The following EYS variants were observed in gnomAD, a reference collection of about 807,000 sequenced individuals.
The protein encoded by EYS is EGF-like photoreceptor maintenance factor, also known as protein eyes shut homolog.
Under a neutral mutation model 282.1 loss-of-function variants are expected in EYS, and 250 were observed. The ratio of observed to expected loss-of-function variants is 0.89; its 90% CI spans 0.80 to 0.98. EYS has a LOEUF of 0.98. Among genes scored for constraint, EYS ranks in the 50% least tolerant of loss-of-function variants. EYS has a pLI of 0.00. For synonymous variants in EYS, 1,355 were observed against 1,282.9 expected (o/e 1.06, Z -1.20); for missense variants, 4,016 against 3,709.0 (o/e 1.08, Z -2.15).
chr6:65,090,629 G>A (rs1774531187), intron 12 of EYS, among the ~76,000 whole-genome samples: 1 of 152,096 alleles, frequency 6.6e-6, no homozygotes, highest in Non-Finnish European at 1.5e-5. Context: ...AGAAGTTAAA[G>A]GATAAGTCAT....
intron 33 of EYS, among the ~76,000 whole-genome samples, chr6:64,047,204 G>A (rs567435291): frequency 6.6e-6 from 1 of 151,596 alleles, no homozygotes; most frequent in Non-Finnish European, 1.5e-5. Context: ...AGATAAAATT[G>A]TGGTAATTAT....
chr6:64,595,422 G>A (rs765067184), intron 24 of EYS, among the ~76,000 whole-genome samples: 3 of 152,016 alleles, frequency 2.0e-5, no homozygotes, highest in Non-Finnish European at 2.9e-5. Context: ...CCATTGTCCC[G>A]GAAGTGCCAA....
intron 28 of EYS, among the ~76,000 whole-genome samples, chr6:64,401,168 A>T (rs1323550889): frequency 6.6e-6 from 1 of 152,110 alleles, no homozygotes; most frequent in Non-Finnish European, 1.5e-5. Flanking sequence ...ATATTCAAAA[A>T]GGCAGAAAAT....
At chr6:64,484,313 AG>A in intron 26 of EYS, among the ~76,000 whole-genome samples, 1 of 151,716 alleles carries the variant, frequency 6.6e-6, no homozygotes, top group Non-Finnish European at 1.5e-5. Context: ...GATTCAGCAA[AG>A]TTATGGGGTT....
chr6:65,400,907 T>C (rs1562153227), intron 7 of EYS, among the ~76,000 whole-genome samples: 1 of 151,934 alleles, frequency 6.6e-6, no homozygotes, highest in Admixed American at 6.6e-5. Flanking sequence ...ATTTCCCTCA[T>C]TGAAGCTGTT....
At chr6:64,028,218 C>T (rs1450409572) in intron 33 of EYS, among the ~76,000 whole-genome samples, 1 of 152,180 alleles carries the variant, frequency 6.6e-6, no homozygotes, top group African/African-American at 2.4e-5. Flanking sequence ...ATTGGAAGGA[C>T]AATTTGGAAG....
intron 35 of EYS, among the ~76,000 whole-genome samples, chr6:63,902,075 G>A (rs1236990021): frequency 6.6e-6 from 1 of 151,948 alleles, no homozygotes; most frequent in Non-Finnish European, 1.5e-5. Flanking sequence ...ATATTGTTTA[G>A]TAGAGATGGG....
At chr6:64,296,303 G>A (rs911947821) in intron 30 of EYS, among the ~76,000 whole-genome samples, 22 of 152,178 alleles carry the variant, frequency 1.4e-4, no homozygotes, top group Admixed American at 2.6e-4. Context: ...TGAGAATCCA[G>A]CTGTATTTAT....
rs541124660 is a variant in EYS at position 65,050,255 on chromosome 6, C to T, written c.2137+7359G>A. 2.0e-5 allele frequency among the ~76,000 whole-genome samples: 3 copies of T among 151,686 alleles called. No homozygotes were observed. In the South Asian group the frequency reaches 6.2e-4, roughly 31 times the overall value. On this transcript the variant is annotated intron_variant, in intron 13 of 42. Coordinates refer to ENST00000503581, the MANE Select transcript of EYS (RefSeq NM_001142800.2). Reference sequence around the variant, plus strand: ...CCAAAATAACCTTAGCATGTTAGCACTTACAACGAACTAAAGGTAAGGATT... The same window carrying T: ...CCAAAATAACCTTAGCATGTTAGCATTTACAACGAACTAAAGGTAAGGATT...
At chr6:65,698,726 T>C (rs1446713850) in intron 1 of EYS, among the ~76,000 whole-genome samples, 1 of 152,172 alleles carries the variant, frequency 6.6e-6, no homozygotes, top group Non-Finnish European at 1.5e-5. Flanking sequence ...TGTCTATACA[T>C]GTTATCCTTT....
rs1217260043 is a variant in EYS, at chr6:64,391,056, G to A, written c.5928-2216C>T. On this transcript the variant is annotated intron_variant, in intron 28 of 42. Coordinates refer to ENST00000503581, the MANE Select transcript of EYS (RefSeq NM_001142800.2). ...GAAGATGAAATGAATGAAATGAAGC[G>A]AGAAGGGAAGTTTAGAGAAAAAAGA... Among the ~76,000 whole-genome samples, 11 of 152,250 alleles carry A rather than the reference G, an allele frequency of 7.2e-5. No individual in the cohort carries two copies. The East Asian group carries it at 1.7e-3, about 24-fold the overall frequency.
At chr6:64,690,731 A>G (rs1261204533) in intron 22 of EYS, among the ~76,000 whole-genome samples, 1 of 152,308 alleles carries the variant, frequency 6.6e-6, no homozygotes, top group Admixed American at 6.5e-5. Context: ...GCGCAAGGAC[A>G]GAAAACCAAA....
At chr6:63,920,901 T>TA (rs1247812052) in intron 35 of EYS, among the ~76,000 whole-genome samples, 8 of 151,838 alleles carry the variant, frequency 5.3e-5, no homozygotes, top group Non-Finnish European at 8.8e-5. Flanking sequence ...TTCTTCCTTT[T>TA]TTTTTTTTGG....
intron 34 of EYS, among the ~76,000 whole-genome samples, chr6:63,988,955 T>A (rs1767491512): frequency 2.0e-5 from 3 of 151,668 alleles, no homozygotes; most frequent in South Asian, 4.1e-4. Context: ...AGAGGGTAGA[T>A]AAGAAGCTGT....
At chr6:64,564,263 T>C (rs1177612440) in intron 26 of EYS, among the ~76,000 whole-genome samples, 3 of 131,374 alleles carry the variant, frequency 2.3e-5, no homozygotes, top group Non-Finnish European at 4.7e-5. Flanking sequence ...CACGTATCTT[T>C]TGTCCTTTTT....
At chr6:65,552,984 G>GTTTCAATTGATTC (rs748057418) in intron 2 of EYS, among the ~76,000 whole-genome samples, 12 of 152,084 alleles carry the variant, frequency 7.9e-5, no homozygotes, top group Admixed American at 1.3e-4. Flanking sequence ...TTTAAATGAA[G>GTTTCAATTGATTC]AATTGATTCA....
At chr6:64,029,331 A>C (rs192248636) in intron 33 of EYS, among the ~76,000 whole-genome samples, 2 of 152,332 alleles carry the variant, frequency 1.3e-5, no homozygotes, top group African/African-American at 4.8e-5. Context: ...TCACTGTTTA[A>C]GGGTAGTTGC....
At position 64,823,355 on chromosome 6, in the gene EYS, A is replaced by G. The variant is rs556852850; in HGVS notation, c.2993-533T>C. ...CTACCAAGAACCACCTCTATGCTCA[A>G]CTAGAGGTACCAAGCCAAAAAATAA... is the stretch of plus-strand genomic sequence containing the variant. On this transcript the variant is annotated intron_variant, in intron 19 of 42. Coordinates refer to ENST00000503581, the MANE Select transcript of EYS (RefSeq NM_001142800.2). Among the ~76,000 whole-genome samples, 80 of 151,996 alleles carry G rather than the reference A, an allele frequency of 5.3e-4. 1 individual carries two copies. Among genetic ancestry groups the G allele is most frequent in the African/African-American group, 1.9e-3 (78 of 41,516 alleles).
chr6:64,195,211 G>A (rs995530620), intron 31 of EYS, among the ~76,000 whole-genome samples: 1 of 152,012 alleles, frequency 6.6e-6, no homozygotes, highest in Non-Finnish European at 1.5e-5. Flanking sequence ...CTTTAGTAAA[G>A]ATCTACTGGT....
Sources: gnomAD v4.1 joint callset for allele counts (sites outside exome capture counted in the v4.1 genomes callset) on GRCh38, gnomAD v4.1.1 for gene constraint, MANE v1.5 for transcripts, NCBI Gene and HGNC (gene_info 2026-07-23, HGNC 2026-07-21) for gene names.